Variants in SYNE2 observed in about 807,000 individuals in gnomAD.
SYNE2 encodes nesprin-2.
In SYNE2, 431 loss-of-function variants were observed where a neutral mutation model predicts 856.3. That is an observed-to-expected ratio of 0.50 (90% CI 0.47 to 0.55). The LOEUF is 0.55. Among genes scored for constraint, SYNE2 ranks in the 20% least tolerant of loss-of-function variants. The pLI, the probability that SYNE2 is intolerant of heterozygous loss-of-function variation, is 0.00. For synonymous variants in SYNE2, 2,923 were observed against 2,872.3 expected (o/e 1.02, Z -0.56); for missense variants, 8,129 against 8,023.2 (o/e 1.01, Z -0.50).
chr14:63,856,897 A>G (rs1891916516), intron 1 of SYNE2, among the ~76,000 whole-genome samples: 1 of 151,910 alleles, frequency 6.6e-6, no homozygotes, highest in Non-Finnish European at 1.5e-5. Context: ...CCGGCCTCCC[A>G]AGTAACTGAC....
At chr14:63,839,130 A>G (rs1308973742) in intron 1 of SYNE2, among the ~76,000 whole-genome samples, 1 of 152,054 alleles carries the variant, frequency 6.6e-6, no homozygotes, top group African/African-American at 2.4e-5. Flanking sequence ...CCCAGATTCA[A>G]GTGATTCTCC....
In SYNE2 at chr14:63,978,895, T is replaced by C; in HGVS notation, c.1450T>C (p.Phe484Leu). 1 of 1,613,022 alleles carries C rather than the reference T, an allele frequency of 6.2e-7. No individual in the cohort carries two copies. The highest frequency in any genetic ancestry group is 1.7e-4 in the Middle Eastern group (1 of 6,052). The change falls in exon 14 of 116, where the codon TTT becomes CTT. Residue 484 changes from phenylalanine (F) to leucine (L), a missense_variant. Transcript: ENST00000555002. ...LEKKFILLLE[F>L]HYYKCLVLGL... ...GAAAAAATTTATTCTACTTCTAGAATTTCATTACTACAAGTGCTTAGTTCT... is the reference window on the plus strand; with the variant it reads ...GAAAAAATTTATTCTACTTCTAGAACTTCATTACTACAAGTGCTTAGTTCT...
intron 100 of SYNE2, among the ~76,000 whole-genome samples, chr14:64,205,160 C>T (rs777835308): frequency 9.2e-5 from 14 of 152,096 alleles, no homozygotes; most frequent in African/African-American, 2.9e-4. Context: ...TCTCCTTTGC[C>T]GTGTAATCTA....
chr14:63,958,335 C>CT (rs2096266689), intron 8 of SYNE2, among the ~76,000 whole-genome samples: 2 of 152,284 alleles, frequency 1.3e-5, no homozygotes, highest in African/African-American at 4.8e-5. Context: ...TGTGACTCCT[C>CT]TTGACTGTGA....
chr14:63,962,929 A>G (rs2096340812), intron 9 of SYNE2, among the ~76,000 whole-genome samples: 1 of 152,254 alleles, frequency 6.6e-6, no homozygotes, highest in Non-Finnish European at 1.5e-5. Context: ...GAAACTTCAT[A>G]AAAATTGCTG....
chr14:64,196,707 G>C (rs2098542243), intron 99 of SYNE2: 1 of 152,212 alleles, frequency 6.6e-6, no homozygotes, highest in African/African-American at 2.4e-5. Flanking sequence ...TCTTCTCTCT[G>C]TTTATAGCAC....
chr14:64,044,096 A>T (rs1595098653), intron 45 of SYNE2, among the ~76,000 whole-genome samples: 1 of 152,212 alleles, frequency 6.6e-6, no homozygotes, highest in South Asian at 2.1e-4. Flanking sequence ...AAAAGCTGCA[A>T]ACATTCAATG....
In SYNE2 at chr14:63,919,972, GTTT is replaced by G. The variant is rs10673123; in HGVS notation, c.79+10762_79+10764del. On this transcript the variant is annotated intron_variant, in intron 2 of 115. Coordinates refer to ENST00000555002, the MANE Select transcript of SYNE2 (RefSeq NM_182914.3). ...ATATCAGGCACATGATAAAAGGTAAGTTTTTTTTTTTTTTTTTTTAAGGTAAGA... is the reference window on the plus strand; with the variant it reads ...ATATCAGGCACATGATAAAAGGTAAGTTTTTTTTTTTTTTTTAAGGTAAGA... 4.2e-4 allele frequency among the ~76,000 whole-genome samples: 47 copies of G among 110,600 alleles called. 2 individuals carry two copies. The highest frequency in any genetic ancestry group is 1.7e-3 in the African/African-American group (44 of 26,158). The allele number at this position is 110,600 out of a possible 152,430, so 72.6% of individuals were successfully genotyped here. A position where few individuals can be genotyped will look rare whatever the true frequency, so the allele number is the denominator to read the frequency against.
intron 1 of SYNE2, among the ~76,000 whole-genome samples, chr14:63,818,541 C>T (rs577570625): frequency 9.9e-5 from 15 of 151,530 alleles, no homozygotes; most frequent in East Asian, 1.9e-4. Flanking sequence ...AATAAGTAAA[C>T]GTATGTCAGT....
At chr14:64,202,413 A>C (rs948387169) in intron 99 of SYNE2, 3 of 643,640 alleles carry the variant, frequency 4.7e-6, no homozygotes, top group African/African-American at 1.8e-5. Flanking sequence ...AGGCATACCC[A>C]CGGCAGAAAC....
At chr14:63,890,840 C>T (rs2095114600) in intron 1 of SYNE2, among the ~76,000 whole-genome samples, 1 of 152,200 alleles carries the variant, frequency 6.6e-6, no homozygotes, top group African/African-American at 2.4e-5. Flanking sequence ...TTATGACAAG[C>T]TTTGCTTTTT....
intron 1 of SYNE2, among the ~76,000 whole-genome samples, chr14:63,789,679 A>G (rs11847056): frequency 0.63 from 96,070 of 151,730 alleles, 30,896 homozygotes; most frequent in South Asian, 0.75. Context: ...TCTGGAGGCC[A>G]AGGCAGGAGA....
chr14:64,049,180 A>T (rs1030925825), intron 46 of SYNE2: 1 of 152,424 alleles, frequency 6.6e-6, no homozygotes, highest in Non-Finnish European at 1.5e-5. Flanking sequence ...GTGGTAGCTC[A>T]TGGCTGTCAT....
In SYNE2 at chr14:63,916,690, A is replaced by G. The variant is rs777760719; in HGVS notation, c.79+7463A>G. The stretch of plus-strand genomic sequence containing the variant: ...TGTGTCTATGATGTTTAGGGGCTCA[A>G]TAGTGCTTTCGTATTCTGTTTATGA... On this transcript the variant is annotated intron_variant, in intron 2 of 115. Coordinates refer to ENST00000555002, the MANE Select transcript of SYNE2 (RefSeq NM_182914.3). Among the ~76,000 whole-genome samples, 7 of 152,160 alleles carry G rather than the reference A, an allele frequency of 4.6e-5. No homozygotes were observed. In the East Asian group the frequency reaches 5.8e-4, roughly 13 times the overall value.
At chr14:63,788,936 G>A (rs1887637983) in intron 1 of SYNE2, among the ~76,000 whole-genome samples, 1 of 152,186 alleles carries the variant, frequency 6.6e-6, no homozygotes, top group Non-Finnish European at 1.5e-5. Context: ...ACTGTTCACA[G>A]TAGCCAAGAT....
intron 51 of SYNE2, among the ~76,000 whole-genome samples, chr14:64,066,660 A>G (rs1041664451): frequency 6.6e-6 from 1 of 152,216 alleles, no homozygotes; most frequent in Non-Finnish European, 1.5e-5. Flanking sequence ...AAATGTTAAA[A>G]TAAACTTTGT....
intron 18 of SYNE2, among the ~76,000 whole-genome samples, chr14:63,985,175 C>A (rs914269078): frequency 6.6e-6 from 1 of 151,666 alleles, no homozygotes; most frequent in African/African-American, 2.4e-5. Context: ...ACTAAAAATA[C>A]AAAAATTAGC....
At chr14:63,919,890 G>T (rs2095576406) in intron 2 of SYNE2, among the ~76,000 whole-genome samples, 1 of 151,522 alleles carries the variant, frequency 6.6e-6, no homozygotes, top group African/African-American at 2.4e-5. Flanking sequence ...AGGAGAACGA[G>T]GAAGTGGAGA....
chr14:63,899,877 A>G (rs34252863), intron 1 of SYNE2, among the ~76,000 whole-genome samples: 9,073 of 152,288 alleles, frequency 0.06, 276 homozygotes, highest in Middle Eastern at 0.099. Flanking sequence ...TAATCCCTAT[A>G]AATGTATTTC....
Sources: gnomAD v4.1 joint callset for allele counts (sites outside exome capture counted in the v4.1 genomes callset) on GRCh38, gnomAD v4.1.1 for gene constraint, MANE v1.5 for transcripts, NCBI Gene and HGNC (gene_info 2026-07-23, HGNC 2026-07-21) for gene names.